CLPB: variants seen among roughly 807,000 people sequenced by gnomAD.
The protein encoded by CLPB is mitochondrial disaggregase.
CLPB carries 40 observed loss-of-function variants against 78.4 expected under a neutral mutation model. The observed-to-expected ratio is 0.51, with a 90% CI of 0.40 to 0.66. The LOEUF (loss-of-function observed/expected upper bound fraction) is 0.66. Ranked by LOEUF, CLPB falls within the 30% of genes least tolerant of loss-of-function variation. The probability of loss-of-function intolerance (pLI) is 0.00; values close to 1 mark genes in which losing one functional copy is unlikely to be tolerated. For missense variants in CLPB, 780 were observed against 886.9 expected (o/e 0.88, Z 1.53); for synonymous variants, 333 against 348.0 (o/e 0.96, Z 0.48).
chr11:72,411,904 C>A (rs1035994516), intron 2 of CLPB: 5 of 152,248 alleles, frequency 3.3e-5, no homozygotes, highest in Non-Finnish European at 7.3e-5. Context: ...AAGCACTGAG[C>A]CATGCAGACC....
chr11:72,331,636 G>A (rs538040737), intron 5 of CLPB, among the ~76,000 whole-genome samples: 17 of 138,746 alleles, frequency 1.2e-4, no homozygotes, highest in Admixed American at 8.6e-4. Flanking sequence ...GTGCAGTGGC[G>A]TGATATCTGT....
chr11:72,348,757 T>C (rs1263589414), intron 5 of CLPB, among the ~76,000 whole-genome samples: 2 of 152,244 alleles, frequency 1.3e-5, no homozygotes, highest in African/African-American at 4.8e-5. Flanking sequence ...GTACAGGGTG[T>C]AGTCTCAAGG....
chr11:72,317,730 A>G (rs1348295629), intron 6 of CLPB, among the ~76,000 whole-genome samples: 3 of 152,246 alleles, frequency 2.0e-5, no homozygotes, highest in Non-Finnish European at 4.4e-5. Flanking sequence ...GCTGCATTTC[A>G]ATTAAACATA....
chr11:72,394,342 A>T (rs1855340052), intron 3 of CLPB, among the ~76,000 whole-genome samples: 1 of 152,104 alleles, frequency 6.6e-6, no homozygotes, highest in Non-Finnish European at 1.5e-5. Flanking sequence ...GCTGAACTGA[A>T]TGAACACTGG....
At chr11:72,369,619 C>T (rs951524976) in intron 4 of CLPB, among the ~76,000 whole-genome samples, 3 of 152,166 alleles carry the variant, frequency 2.0e-5, no homozygotes, top group African/African-American at 7.2e-5. Context: ...GTTAAAAACT[C>T]GCAATAAAAA....
intron 6 of CLPB, 78 bp from the exon 7 acceptor site, chr11:72,317,298 G>A: frequency 9.3e-7 from 1 of 1,079,558 alleles, no homozygotes; most frequent in Non-Finnish European, 1.3e-6. Flanking sequence ...CCAACTCGGG[G>A]AAAACACAGG....
At chr11:72,379,586 T>G (rs1287407495) in intron 4 of CLPB, among the ~76,000 whole-genome samples, 1 of 152,004 alleles carries the variant, frequency 6.6e-6, no homozygotes, top group Non-Finnish European at 1.5e-5. Context: ...TCCCCAAGAC[T>G]CATCCCAGAG....
rs147083723 is a variant in CLPB, at chr11:72,360,491, G to A, written c.647-1483C>T. Among the ~76,000 whole-genome samples the A allele has an allele frequency of 2.6e-3, 393 of 152,114 alleles. 2 individuals are homozygous for A. The highest frequency in any genetic ancestry group is 9.0e-3 in the African/African-American group (374 of 41,490). On this transcript the variant is annotated intron_variant, in intron 4 of 15. Coordinates refer to ENST00000538039, the MANE Select transcript of CLPB (RefSeq NM_001258392.3). Reference sequence around the variant, plus strand: ...GAGTTTTGATCTGTCACCCAGGCTGGAGGGCAGTGGCGCGATCTGGCTCAA... The same window carrying A: ...GAGTTTTGATCTGTCACCCAGGCTGAAGGGCAGTGGCGCGATCTGGCTCAA...
chr11:72,366,766 A>C (rs1950950606), intron 4 of CLPB, among the ~76,000 whole-genome samples: 1 of 152,220 alleles, frequency 6.6e-6, no homozygotes, highest in Non-Finnish European at 1.5e-5. Flanking sequence ...GAGAATGCTT[A>C]TACACTGTTG....
intron 2 of CLPB, among the ~76,000 whole-genome samples, chr11:72,419,270 AGCACTTGGGC>A (rs1856118492): frequency 6.6e-6 from 1 of 152,234 alleles, no homozygotes; most frequent in African/African-American, 2.4e-5. Context: ...GAGGAGAGAT[AGCACTTGGGC>A]GACATAAATG....
intron 4 of CLPB, among the ~76,000 whole-genome samples, chr11:72,373,863 G>A (rs1320027627): frequency 6.6e-6 from 1 of 151,204 alleles, no homozygotes; most frequent in East Asian, 1.9e-4. Context: ...GGGAGGCTGA[G>A]GCAGGAGAAT....
intron 7 of CLPB, among the ~76,000 whole-genome samples, chr11:72,315,421 C>T (rs1358342076): frequency 6.6e-6 from 1 of 152,196 alleles, no homozygotes; most frequent in Admixed American, 6.5e-5. Flanking sequence ...ACTTTCAATG[C>T]CAAGGCTCTG....
intron 5 of CLPB, among the ~76,000 whole-genome samples, chr11:72,332,161 A>G (rs1950238803): frequency 6.6e-6 from 1 of 152,088 alleles, no homozygotes; most frequent in South Asian, 2.1e-4. Context: ...GATACAATTC[A>G]CACACCATAA....
intron 3 of CLPB, among the ~76,000 whole-genome samples, chr11:72,386,727 A>T (rs1433720269): frequency 6.6e-6 from 1 of 152,236 alleles, no homozygotes; most frequent in Non-Finnish European, 1.5e-5. Context: ...AATAACTTTT[A>T]AAATTACCTT....
intron 11 of CLPB, among the ~76,000 whole-genome samples, chr11:72,297,700 T>TGTGTGC (rs1294715631): frequency 2.5e-5 from 3 of 121,966 alleles, no homozygotes; most frequent in Admixed American, 8.8e-5. Context: ...TGTGTGTGTG[T>TGTGTGC]GTGACATGTC....
chr11:72,303,440 AAG>A (rs979128030), intron 9 of CLPB, among the ~76,000 whole-genome samples: 3 of 152,232 alleles, frequency 2.0e-5, no homozygotes, highest in African/African-American at 7.2e-5. Context: ...GGGTGGCAAG[AAG>A]AACCCTGGGC....
intron 11 of CLPB, among the ~76,000 whole-genome samples, chr11:72,298,278 T>C (rs749056561): frequency 4.6e-5 from 7 of 152,154 alleles, no homozygotes; most frequent in South Asian, 2.1e-4. Context: ...GTGAGGCTGC[T>C]TCCCTCACAC....
chr11:72,317,283 A>T (rs537043142), intron 6 of CLPB, 63 bp from the exon 7 acceptor site: 1 of 1,247,678 alleles, frequency 8.0e-7, no homozygotes, highest in African/African-American at 1.5e-5. Context: ...GCTTCACTCT[A>T]TCCCCCAACT....
At chr11:72,298,221 T>C (rs1949591467) in intron 11 of CLPB, among the ~76,000 whole-genome samples, 1 of 151,784 alleles carries the variant, frequency 6.6e-6, no homozygotes, top group African/African-American at 2.4e-5. Context: ...AGCAATAGGG[T>C]TCTTACTTTT....
Sources: gnomAD v4.1 joint callset for allele counts (sites outside exome capture counted in the v4.1 genomes callset) on GRCh38, gnomAD v4.1.1 for gene constraint, MANE v1.5 for transcripts, NCBI Gene and HGNC (gene_info 2026-07-23, HGNC 2026-07-21) for gene names.